CFAP70: variants seen among roughly 807,000 people sequenced by gnomAD.
The protein encoded by CFAP70 is cilia and flagella associated protein 70.
CFAP70 carries 81 observed loss-of-function variants against 137.6 expected under a neutral mutation model. The observed-to-expected ratio is 0.59, with a 90% CI of 0.49 to 0.71. The LOEUF is 0.71. Among genes scored for constraint, CFAP70 ranks in the 30% least tolerant of loss-of-function variants. CFAP70 has a pLI of 0.00. For synonymous variants in CFAP70, 382 were observed against 423.6 expected (o/e 0.90, Z 1.20); for missense variants, 976 against 1,226.7 (o/e 0.80, Z 3.05).
At chr10:73,348,111 C>T in intron 4 of CFAP70, 45 bp downstream of exon 5, 5 of 1,556,052 alleles carry the variant, frequency 3.2e-6, no homozygotes, top group South Asian at 1.1e-5. Flanking sequence ...AGAATTGTTA[C>T]ATTGAATGGC....
chr10:73,339,612 G>A (rs1311611135), intron 6 of CFAP70, among the ~76,000 whole-genome samples: 1 of 152,208 alleles, frequency 6.6e-6, no homozygotes. Flanking sequence ...AGGGGTGTGT[G>A]AGTAAGCGAT....
chr10:73,302,060 T>C (rs80219561), intron 12 of CFAP70, among the ~76,000 whole-genome samples: 15,662 of 152,174 alleles, frequency 0.1, 1,157 homozygotes, highest in East Asian at 0.31. Flanking sequence ...ATCTTACATC[T>C]TACATGTAAG....
intron 9 of CFAP70, among the ~76,000 whole-genome samples, chr10:73,321,679 C>G (rs1328857058): frequency 6.6e-6 from 1 of 151,602 alleles, no homozygotes; most frequent in Non-Finnish European, 1.5e-5. Flanking sequence ...CATTTTTACA[C>G]CTAAAAATGG....
intron 12 of CFAP70, among the ~76,000 whole-genome samples, chr10:73,302,984 A>G (rs1284711648): frequency 6.7e-6 from 1 of 150,362 alleles, no homozygotes; most frequent in East Asian, 2.0e-4. Flanking sequence ...GGCTCAAGCA[A>G]TCCTCCTGCC....
chr10:73,348,484 C>T (rs757590898), exon 4 of CFAP70: 1 of 1,525,008 alleles, frequency 6.6e-7, no homozygotes, highest in Non-Finnish European at 8.8e-7. Context: ...TCTCTTCTTT[C>T]TGTTTCTTTT....
At chr10:73,331,787 T>A (rs181047712) in intron 7 of CFAP70, among the ~76,000 whole-genome samples, 173 of 152,294 alleles carry the variant, frequency 1.1e-3, no homozygotes, top group African/African-American at 4.0e-3. Context: ...AAACTGAACA[T>A]TGTTAGAGCA....
chr10:73,322,622 C>A (rs2050973777), intron 9 of CFAP70, among the ~76,000 whole-genome samples: 1 of 145,874 alleles, frequency 6.9e-6, no homozygotes, highest in Non-Finnish European at 1.5e-5. Context: ...TGGCTTCTTT[C>A]ATTTAGCATA....
intron 12 of CFAP70, among the ~76,000 whole-genome samples, chr10:73,304,928 A>G (rs1037624092): frequency 3.9e-5 from 6 of 152,164 alleles, no homozygotes; most frequent in East Asian, 1.9e-4. Flanking sequence ...GGTTTACAGT[A>G]ACAAAGAGAA....
chr10:73,340,162 T>A (rs2053116838), intron 6 of CFAP70, among the ~76,000 whole-genome samples: 1 of 152,060 alleles, frequency 6.6e-6, no homozygotes, highest in South Asian at 2.1e-4. Context: ...AGACCCACAG[T>A]GGGTAGCTCC....
intron 6 of CFAP70, among the ~76,000 whole-genome samples, chr10:73,336,581 T>C (rs962347637): frequency 7.0e-5 from 7 of 100,664 alleles, no homozygotes; most frequent in Non-Finnish European, 7.3e-5. Flanking sequence ...ACTATTTTCC[T>C]TTTTTTTTTT....
chr10:73,281,821 A>G (rs189163368), intron 19 of CFAP70, among the ~76,000 whole-genome samples: 47 of 152,328 alleles, frequency 3.1e-4, no homozygotes, highest in Middle Eastern at 3.4e-3. Context: ...ACAAAAAAGA[A>G]CAAAATCATG....
chr10:73,332,704 C>G (rs1177485649), intron 7 of CFAP70, among the ~76,000 whole-genome samples: 1 of 152,108 alleles, frequency 6.6e-6, no homozygotes, highest in African/African-American at 2.4e-5. Flanking sequence ...CCAAAGACAA[C>G]AGGGGAGGTG....
chr10:73,335,629 G>A, intron 6 of CFAP70, 105 bp from the exon 8 acceptor site: 1 of 663,092 alleles, frequency 1.5e-6, no homozygotes. Flanking sequence ...ACTTTTCTTA[G>A]TATTATTACT....
intron 8 of CFAP70, among the ~76,000 whole-genome samples, chr10:73,323,551 C>A (rs2051093334): frequency 6.6e-6 from 1 of 152,218 alleles, no homozygotes; most frequent in South Asian, 2.1e-4. Flanking sequence ...CGCAAGGGGT[C>A]AGGGAGTTCC....
intron 12 of CFAP70, among the ~76,000 whole-genome samples, chr10:73,306,697 G>A (rs144699029): frequency 3.1e-4 from 47 of 152,166 alleles, no homozygotes; most frequent in African/African-American, 1.0e-3. Context: ...GTGGGACTAT[G>A]TCTCTACAAA....
rs547092683 is a variant in CFAP70, at chr10:73,323,371, C to T, written c.778-274G>A. Among the ~76,000 whole-genome samples, 342 of 151,676 alleles carry T rather than the reference C, an allele frequency of 2.3e-3. 15 individuals are homozygous for T. The South Asian group carries it at 0.065, about 29-fold the overall frequency. On this transcript the variant is annotated intron_variant, in intron 8 of 26. Transcript: ENST00000310715. Reference sequence around the variant, plus strand: ...CAAGATGGCCGAATAGGAACAGCTCCGGTCTATAGCTCCCAGCGTGAGCGA... The same window carrying T: ...CAAGATGGCCGAATAGGAACAGCTCTGGTCTATAGCTCCCAGCGTGAGCGA...
At chr10:73,344,634 A>G (rs1345150380) in intron 5 of CFAP70, among the ~76,000 whole-genome samples, 2 of 152,224 alleles carry the variant, frequency 1.3e-5, no homozygotes, top group Non-Finnish European at 2.9e-5. Context: ...TTAGCAAGCA[A>G]GTTAGAAATC....
chr10:73,353,717 A>T, exon 3 of CFAP70: 1 of 1,614,182 alleles, frequency 6.2e-7, no homozygotes. Context: ...AATAAAGGTA[A>T]CTGGAGTATC....
chr10:73,334,880 GT>G (rs369007041), intron 7 of CFAP70, among the ~76,000 whole-genome samples: 338 of 128,580 alleles, frequency 2.6e-3, no homozygotes, highest in Middle Eastern at 8.3e-3. Context: ...ACCTGGCCGA[GT>G]TTTTTTTTTT....
Sources: allele counts gnomAD v4.1 joint callset (sites outside exome capture counted in the v4.1 genomes callset), GRCh38; gene constraint gnomAD v4.1.1; transcripts MANE v1.5; gene names NCBI Gene and HGNC (gene_info 2026-07-23, HGNC 2026-07-21).